CRISP1: variants seen among roughly 807,000 people sequenced by gnomAD.
The protein encoded by CRISP1 is cysteine-rich secretory protein 1.
CRISP1 carries 44 observed loss-of-function variants against 33.1 expected under a neutral mutation model. That is an observed-to-expected ratio of 1.33 (90% CI 1.05 to 1.71). CRISP1 has a LOEUF of 1.71. Among genes scored for constraint, CRISP1 ranks in the 40% most tolerant of loss-of-function variants. The pLI is 0.00. For synonymous variants in CRISP1, 103 were observed against 98.7 expected (o/e 1.04, Z -0.26); for missense variants, 390 against 301.2 (o/e 1.29, Z -2.18).
intron 6 of CRISP1, among the ~76,000 whole-genome samples, chr6:49,838,814 A>C (rs533528225): frequency 5.3e-5 from 8 of 152,324 alleles, no homozygotes; most frequent in Middle Eastern, 3.4e-3. Flanking sequence ...TCCCAAGTAC[A>C]AGCAAGGGGA....
intron 6 of CRISP1, among the ~76,000 whole-genome samples, chr6:49,840,562 A>G (rs1349036297): frequency 2.0e-5 from 3 of 152,198 alleles, no homozygotes; most frequent in East Asian, 1.9e-4. Context: ...TTTCTCTTAT[A>G]TAATAATTAC....
chr6:49,864,093 T>C (rs1771731523), intron 1 of CRISP1, among the ~76,000 whole-genome samples: 2 of 152,134 alleles, frequency 1.3e-5, no homozygotes, highest in African/African-American at 4.8e-5. Context: ...TATCTTGATA[T>C]AACTAGGATT....
chr6:49,854,582 T>C (rs1771442009), intron 2 of CRISP1, among the ~76,000 whole-genome samples: 1 of 152,200 alleles, frequency 6.6e-6, no homozygotes, highest in Admixed American at 6.5e-5. Context: ...TCATTTCATT[T>C]ACATCACTTC....
chr6:49,857,228 G>T, intron 2 of CRISP1, 107 bp downstream of exon 2: 3 of 952,364 alleles, frequency 3.2e-6, no homozygotes, highest in South Asian at 1.5e-5. Flanking sequence ...AGTGAGTAAT[G>T]GGTGTAGTGG....
At chr6:49,870,964 G>T (rs1771908715), upstream of CRISP1, among the ~76,000 whole-genome samples, 1 of 152,026 alleles carries the variant, frequency 6.6e-6, no homozygotes, top group Admixed American at 6.6e-5. Flanking sequence ...AGCTGGATGT[G>T]GTTGTGCGTG....
At chr6:49,844,597 G>A (rs555967609) in intron 5 of CRISP1, among the ~76,000 whole-genome samples, 1 of 152,270 alleles carries the variant, frequency 6.6e-6, no homozygotes, top group African/African-American at 2.4e-5. Flanking sequence ...GGAAGAGGCT[G>A]CCTCACTGAG....
rs570429696 is a variant in CRISP1 at position 49,864,171 on chromosome 6, C to T, written c.-3+2258G>A. On this transcript the variant is annotated intron_variant, in intron 1 of 7. Transcript: ENST00000335847. ...TTTTAATGTCTAACCTTTTTCACTA[C>T]TCATTATTATACTTATGAGATTCAA... Among the ~76,000 whole-genome samples the T allele has an allele frequency of 2.0e-5, 3 of 152,174 alleles. No homozygotes were observed. The South Asian group carries it at 6.2e-4, about 32-fold the overall frequency.
In CRISP1 at chr6:49,838,540, A is replaced by AT; in HGVS notation, c.534-16_534-15insA. The AT allele has an allele frequency of 6.3e-7, 1 of 1,597,748 alleles. No homozygotes were observed. Among genetic ancestry groups the AT allele is most frequent in the South Asian group, 1.1e-5 (1 of 89,500 alleles). On this transcript the variant is annotated splice_polypyrimidine_tract_variant and intron_variant, in intron 6 of 7. Transcript: ENST00000335847. The stretch of plus-strand genomic sequence containing the variant: ...GATCATTTCCCCTTGAATAAAAAAA[A>AT]GTGATTTCATAAAACCCATCTTTGA...
At chr6:49,871,633 A>T (rs1483835913) in intron 1 of CRISP1, among the ~76,000 whole-genome samples, 1 of 138,062 alleles carries the variant, frequency 7.2e-6, no homozygotes, top group Non-Finnish European at 1.5e-5. Flanking sequence ...CCCACCTATG[A>T]GTGAGAACAC....
intron 6 of CRISP1, among the ~76,000 whole-genome samples, chr6:49,840,362 A>T (rs1013829663): frequency 3.3e-5 from 5 of 152,188 alleles, no homozygotes; most frequent in Admixed American, 6.5e-5. Flanking sequence ...AATCTGTAAC[A>T]TGTATATTTA....
chr6:49,848,939 G>A (rs1222493823), intron 3 of CRISP1, among the ~76,000 whole-genome samples: 2 of 152,004 alleles, frequency 1.3e-5, no homozygotes, highest in African/African-American at 2.4e-5. Flanking sequence ...TGTAAATAAG[G>A]GAAATAAGGC....
intron 6 of CRISP1, among the ~76,000 whole-genome samples, chr6:49,839,405 G>A (rs2127469060): frequency 6.6e-6 from 1 of 151,666 alleles, no homozygotes; most frequent in Middle Eastern, 3.4e-3. Flanking sequence ...GAGCTATGTT[G>A]ACACCTCTGC....
At chr6:49,859,422 C>T (rs1327999247) in intron 1 of CRISP1, among the ~76,000 whole-genome samples, 1 of 150,744 alleles carries the variant, frequency 6.6e-6, no homozygotes, top group African/African-American at 2.4e-5. Context: ...AAAGAAACAT[C>T]CACCTATGGA....
chr6:49,870,992 T>C (rs1420161017), upstream of CRISP1, among the ~76,000 whole-genome samples: 2 of 151,868 alleles, frequency 1.3e-5, no homozygotes, highest in Non-Finnish European at 2.9e-5. Context: ...TCCCAGCTAC[T>C]CAGGAGGCTG....
chr6:49,875,815 A>G (rs1772022786), intron 1 of CRISP1, among the ~76,000 whole-genome samples: 2 of 152,194 alleles, frequency 1.3e-5, no homozygotes, highest in African/African-American at 2.4e-5. Context: ...TCTATTGAAT[A>G]AATGGTGCTG....
chr6:49,863,617 G>T (rs145495564), intron 1 of CRISP1, among the ~76,000 whole-genome samples: 9 of 152,126 alleles, frequency 5.9e-5, no homozygotes, highest in Admixed American at 5.9e-4. Context: ...TGACAAATTT[G>T]TAAATCATAA....
upstream of CRISP1, among the ~76,000 whole-genome samples, chr6:49,870,127 A>G (rs1771889328): frequency 6.6e-6 from 1 of 152,212 alleles, no homozygotes; most frequent in Non-Finnish European, 1.5e-5. Flanking sequence ...AGAAAGAAAG[A>G]TAGACAAATA....
chr6:49,843,061 T>C (rs1173899635), intron 5 of CRISP1, among the ~76,000 whole-genome samples: 1 of 152,172 alleles, frequency 6.6e-6, no homozygotes, highest in Admixed American at 6.5e-5. Flanking sequence ...TGGAATTCAG[T>C]TAATATACCA....
At chr6:49,852,395 T>C (rs1420141912) in intron 2 of CRISP1, among the ~76,000 whole-genome samples, 4 of 152,302 alleles carry the variant, frequency 2.6e-5, no homozygotes, top group East Asian at 3.9e-4. Context: ...GTTCATACTT[T>C]GGACCATGTT....
Sources: allele counts gnomAD v4.1 joint callset (sites outside exome capture counted in the v4.1 genomes callset), GRCh38; gene constraint gnomAD v4.1.1; transcripts MANE v1.5; gene names NCBI Gene and HGNC (gene_info 2026-07-23, HGNC 2026-07-21).